Variants in CNTN5 observed in about 807,000 individuals in gnomAD.
CNTN5 encodes contactin-5.
CNTN5 carries 77 observed loss-of-function variants against 129.1 expected under a neutral mutation model. The ratio of observed to expected loss-of-function variants is 0.60; its 90% confidence interval spans 0.50 to 0.72. The LOEUF is 0.72. Ranked by LOEUF, CNTN5 falls within the 30% of genes least tolerant of loss-of-function variation. The pLI is 0.00. For synonymous variants in CNTN5, 509 were observed against 465.6 expected, an observed-to-expected ratio of 1.09 and a Z score of -1.20; for missense variants, 1,478 against 1,328.8, an observed-to-expected ratio of 1.11 and a Z score of -1.75.
intron 23 of CNTN5, among the ~76,000 whole-genome samples, chr11:100,346,621 T>C (rs1952287699): frequency 6.6e-6 from 1 of 152,120 alleles, no homozygotes; most frequent in African/African-American, 2.4e-5. Context: ...TTTTCAAATC[T>C]GTATCTAGAA....
chr11:99,429,099 T>G (rs1943256950), intron 2 of CNTN5, among the ~76,000 whole-genome samples: 1 of 152,162 alleles, frequency 6.6e-6, no homozygotes, highest in Non-Finnish European at 1.5e-5. Context: ...AATGTATGTG[T>G]ATAATTCTGA....
chr11:100,063,830 T>C (rs1565206384), intron 10 of CNTN5, among the ~76,000 whole-genome samples: 1 of 152,018 alleles, frequency 6.6e-6, no homozygotes, highest in Non-Finnish European at 1.5e-5. Context: ...AACGCTGCGG[T>C]GAACCATTAT....
intron 16 of CNTN5, among the ~76,000 whole-genome samples, chr11:100,251,086 C>T (rs1949953833): frequency 6.6e-6 from 1 of 152,174 alleles, no homozygotes. Flanking sequence ...TTTGAGGGTC[C>T]TCCTGACAGA....
chr11:99,763,613 G>C (rs987889016), intron 3 of CNTN5, among the ~76,000 whole-genome samples: 1 of 151,960 alleles, frequency 6.6e-6, no homozygotes, highest in Non-Finnish European at 1.5e-5. Flanking sequence ...TCAAAAACTA[G>C]AAAATAGGTA....
intron 3 of CNTN5, among the ~76,000 whole-genome samples, chr11:99,675,240 C>T (rs760959023): frequency 1.3e-5 from 2 of 152,040 alleles, no homozygotes; most frequent in African/African-American, 2.4e-5. Context: ...AAACCCATAA[C>T]TCCAAGTTGA....
At chr11:99,396,105 G>A (rs894772395) in intron 2 of CNTN5, among the ~76,000 whole-genome samples, 4 of 151,764 alleles carry the variant, frequency 2.6e-5, no homozygotes, top group Non-Finnish European at 4.4e-5. Context: ...AATAGGAATG[G>A]CATTCAATCT....
At chr11:99,307,055 G>T (rs1293865867) in intron 1 of CNTN5, among the ~76,000 whole-genome samples, 1 of 152,080 alleles carries the variant, frequency 6.6e-6, no homozygotes, top group Non-Finnish European at 1.5e-5. Flanking sequence ...TAAGTATACA[G>T]ATTCGTTTTG....
chr11:99,561,332 G>A (rs1463093671), intron 3 of CNTN5, among the ~76,000 whole-genome samples: 1 of 151,830 alleles, frequency 6.6e-6, no homozygotes, highest in Admixed American at 6.6e-5. Context: ...AATAAATATT[G>A]GGTTATAGTC....
intron 3 of CNTN5, among the ~76,000 whole-genome samples, chr11:99,635,997 T>C (rs1248053535): frequency 6.6e-6 from 1 of 152,146 alleles, no homozygotes; most frequent in Non-Finnish European, 1.5e-5. Context: ...TTTACATGGA[T>C]AAAATTTAAT....
At chr11:99,248,408 A>G (rs931059094) in intron 1 of CNTN5, among the ~76,000 whole-genome samples, 1 of 152,080 alleles carries the variant, frequency 6.6e-6, no homozygotes, top group Non-Finnish European at 1.5e-5. Context: ...CCCTTTCTGT[A>G]GGTGGCCTGT....
chr11:100,221,777 G>T (rs1330386968), intron 15 of CNTN5, among the ~76,000 whole-genome samples: 1 of 151,922 alleles, frequency 6.6e-6, no homozygotes, highest in Non-Finnish European at 1.5e-5. Flanking sequence ...CAAGTAGCAG[G>T]ATTTGTTCAT....
chr11:99,149,629 T>A (rs1163006371), intron 1 of CNTN5, among the ~76,000 whole-genome samples: 1 of 151,912 alleles, frequency 6.6e-6, no homozygotes, highest in African/African-American at 2.4e-5. Context: ...GAATTGCTAA[T>A]TGTGACTTCT....
intron 1 of CNTN5, among the ~76,000 whole-genome samples, chr11:99,224,657 ATTTTTTT>A: frequency 9.2e-6 from 1 of 108,948 alleles, no homozygotes; most frequent in East Asian, 2.7e-4. Flanking sequence ...CCAAGGTTGC[ATTTTTTT>A]TTTTTTTTTT....
chr11:100,074,362 A>C (rs1026378075), intron 13 of CNTN5, 68 bp downstream of exon 13: 1 of 1,301,122 alleles, frequency 7.7e-7, no homozygotes, highest in Middle Eastern at 1.8e-4. Context: ...ACACACACAA[A>C]CTATGCAAGA....
At chr11:100,355,665 G>A (rs923140048) in intron 24 of CNTN5, among the ~76,000 whole-genome samples, 10 of 151,536 alleles carry the variant, frequency 6.6e-5, no homozygotes, top group African/African-American at 2.4e-4. Context: ...GAATTTTTCA[G>A]TTCCATAATA....
intron 16 of CNTN5, among the ~76,000 whole-genome samples, chr11:100,252,570 C>T (rs1460010061): frequency 1.3e-5 from 2 of 152,054 alleles, no homozygotes; most frequent in Non-Finnish European, 2.9e-5. Context: ...CTCTTTGATA[C>T]ATTTTGAATT....
intron 13 of CNTN5, among the ~76,000 whole-genome samples, chr11:100,112,351 G>GT (rs890756522): frequency 1.3e-5 from 2 of 152,028 alleles, no homozygotes; most frequent in African/African-American, 2.4e-5. Context: ...TTCAGAGTTT[G>GT]TTTTTTTACT....
chr11:99,586,814 A>C (rs942212515), intron 3 of CNTN5, among the ~76,000 whole-genome samples: 1 of 152,190 alleles, frequency 6.6e-6, no homozygotes, highest in Non-Finnish European at 1.5e-5. Flanking sequence ...CTCATCTAAT[A>C]AATCTGTCCA....
At chr11:100,119,546 A>C (rs1945947651) in intron 13 of CNTN5, among the ~76,000 whole-genome samples, 1 of 151,942 alleles carries the variant, frequency 6.6e-6, no homozygotes, top group Admixed American at 6.6e-5. Flanking sequence ...CTAGAAAAGT[A>C]ATTTTAGAAT....
Sources: gnomAD v4.1 joint callset for allele counts (sites outside exome capture counted in the v4.1 genomes callset) on GRCh38, gnomAD v4.1.1 for gene constraint, MANE v1.5 for transcripts, NCBI Gene and HGNC (gene_info 2026-07-23, HGNC 2026-07-21) for gene names.